TTLL10: variants seen among roughly 807,000 people sequenced by gnomAD.
TTLL10 encodes the protein inactive polyglycylase TTLL10.
Under a neutral mutation model 69.0 loss-of-function variants are expected in TTLL10, and 61 were observed. That is an observed-to-expected ratio of 0.88 (90% confidence interval 0.72 to 1.09). The LOEUF (loss-of-function observed/expected upper bound fraction) is 1.09. TTLL10 is among the 50% of genes least tolerant of loss of function. The probability of loss-of-function intolerance (pLI) is 0.00; values close to 1 mark genes in which losing one functional copy is unlikely to be tolerated. For synonymous variants in TTLL10, 408 were observed against 393.3 expected (o/e 1.04, Z -0.44); for missense variants, 962 against 945.9 (o/e 1.02, Z -0.22).
rs1021730373 is a variant in TTLL10 at position 1,197,177 on chromosome 1, G to A, written c.1603G>A (p.Glu535Lys). The A allele has an allele frequency of 2.5e-5, 39 of 1,549,868 alleles. No individual in the cohort carries two copies. The highest frequency in any genetic ancestry group is 2.1e-4 in the African/African-American group (15 of 72,850). ...GGAGGTCATCCCAGGTGTGGTCATC[G>A]AGACCCTGGGTGAGCCTCCAAGCCC... ...LKEVIPGVVI[E>K]TLDLVLETFR... is the part of the protein sequence containing the mutation. The change falls in exon 15 of 16, where the codon GAG becomes AAG. Residue 535 changes from glutamate to lysine, a missense_variant. By Grantham distance (56) the Glu-to-Lys change is moderately conservative. Coordinates refer to ENST00000379289, the MANE Select transcript of TTLL10 (RefSeq NM_001130045.2).
Position 1,196,673 on chromosome 1 carries a change from T to G in TTLL10, c.1475T>G (p.Phe492Cys). ...AAGCTGGACTGCAAGCTGGGTTACT[T>G]TGACCTCATTGGCTGTGACTTCCTG... ...KPKLDCKLGYFDLIGCDFLID... is the reference protein window; with the variant it reads ...KPKLDCKLGYCDLIGCDFLID... Residue 492 changes from phenylalanine to cysteine, a missense_variant, in exon 14 of 16, where the codon TTT becomes TGT. Phe to Cys is a radical substitution (Grantham distance 205). Transcript: ENST00000379289. 1 of 1,552,114 alleles carries G rather than the reference T, an allele frequency of 6.4e-7. No homozygotes were observed. Among genetic ancestry groups the G allele is most frequent in the Non-Finnish European group, 8.7e-7 (1 of 1,147,034 alleles).
chr1:1,176,992 G>A (rs1646888872), intron 3 of TTLL10, among the ~76,000 whole-genome samples: 1 of 152,144 alleles, frequency 6.6e-6, no homozygotes, highest in South Asian at 2.1e-4. Flanking sequence ...TCCTCTGTGT[G>A]CGTCTGTGTG....
Position 1,181,770 on chromosome 1 carries a change from T to C in TTLL10, c.785T>C (p.Leu262Pro), listed in dbSNP as rs1283898943. Reference sequence around the variant, plus strand: ...GAAAAGGACGCAGCAGCGCCCGCCCTGGAGGACCTCCCGTGGACAAGCCCA... The same window carrying C: ...GAAAAGGACGCAGCAGCGCCCGCCCCGGAGGACCTCCCGTGGACAAGCCCA... ...RLEKDAAAPA[L>P]EDLPWTSPGY... is the part of the protein sequence containing the mutation. The change falls in exon 9 of 16, where the codon CTG (leucine) becomes CCG (proline). Residue 262 changes from leucine to proline, a missense_variant. Transcript: ENST00000379289. The surrounding 1 kb of genome is among the most constrained non-coding windows in gnomAD (Gnocchi z 4.6). The C allele has an allele frequency of 2.5e-6, 4 of 1,608,454 alleles. No individual in the cohort carries two copies. In the Admixed American group the frequency reaches 5.1e-5, roughly 20 times the overall value.
At chr1:1,189,900 C>A (rs574205992) in intron 13 of TTLL10, among the ~76,000 whole-genome samples, 2 of 152,212 alleles carry the variant, frequency 1.3e-5, no homozygotes, top group Admixed American at 6.5e-5. Flanking sequence ...ATCATGAGGT[C>A]AGGAGATCGA....
chr1:1,188,802 C>T (rs778581635), intron 13 of TTLL10, among the ~76,000 whole-genome samples: 2 of 152,200 alleles, frequency 1.3e-5, no homozygotes, highest in Non-Finnish European at 2.9e-5. Flanking sequence ...TATAGGATGT[C>T]TTTCCATTTT....
At chr1:1,179,008 C>T (rs918178186) in intron 3 of TTLL10, among the ~76,000 whole-genome samples, 181 bp from the exon 4 acceptor site, 3 of 152,338 alleles carry the variant, frequency 2.0e-5, no homozygotes, top group East Asian at 1.9e-4. Context: ...CCCCACACGG[C>T]GCCAGGCCCC....
intron 15 of TTLL10, 51 bp downstream of exon 15, chr1:1,197,237 ATGCCTACC>A: frequency 6.7e-7 from 1 of 1,492,862 alleles, no homozygotes; most frequent in East Asian, 2.5e-5. Flanking sequence ...CCAGTCTTGA[ATGCCTACC>A]TGCCCTCTTC....
chr1:1,190,897 C>A (rs1247315532), intron 13 of TTLL10, among the ~76,000 whole-genome samples: 1 of 152,062 alleles, frequency 6.6e-6, no homozygotes, highest in African/African-American at 2.4e-5. Context: ...GCAATCTCAG[C>A]TCACTGCAGC....
intron 12 of TTLL10, among the ~76,000 whole-genome samples, chr1:1,184,612 G>T (rs932297804): frequency 6.6e-6 from 1 of 152,200 alleles, no homozygotes. Context: ...GGGGCCGGGG[G>T]AGCAAGGTTA....
At chr1:1,182,483 G>A in intron 10 of TTLL10, 37 bp downstream of exon 10, 2 of 1,605,000 alleles carry the variant, frequency 1.2e-6, no homozygotes, top group East Asian at 2.2e-5. Flanking sequence ...GCTGGCCCTG[G>A]GGAGACAGGG....
In TTLL10 at chr1:1,185,655, C is replaced by T. The variant is rs1006478068; in HGVS notation, c.1401+546C>T. On this transcript the variant is annotated intron_variant, in intron 13 of 15. Transcript: ENST00000379289. The surrounding 1 kb of genome is among the most constrained non-coding windows in gnomAD (Gnocchi z 6.1). ...GCGCGGTGTGAAACTGGGATAAAAA[C>T]GGGGCTTGGCCGAAGGACTTTTATC... 2.2e-5 allele frequency: 22 copies of T among 985,640 alleles called. 1 individual carries two copies. The South Asian group carries it at 6.6e-4, about 29-fold the overall frequency. 61.1% of individuals were successfully genotyped at this position (985,640 alleles called of 1,614,324 possible).
chr1:1,185,168 T>G lies in TTLL10; in HGVS notation c.1401+59T>G. ...GATCCCTCGGGGCGGGGGTGTGTGG[T>G]CAGGCTGGGCACCAGGCACACAGAT... On this transcript the variant is annotated intron_variant, in intron 13 of 15. Coordinates refer to ENST00000379289, the MANE Select transcript of TTLL10 (RefSeq NM_001130045.2). The surrounding 1 kb of genome is among the most constrained non-coding windows in gnomAD (Gnocchi z 6.1). 5 of 1,589,212 alleles carry G rather than the reference T, an allele frequency of 3.1e-6. No individual in the cohort carries two copies. The highest frequency in any genetic ancestry group is 4.3e-6 in the Non-Finnish European group (5 of 1,165,774).
chr1:1,188,487 C>G (rs1032007185), intron 13 of TTLL10, among the ~76,000 whole-genome samples: 5 of 151,452 alleles, frequency 3.3e-5, no homozygotes, highest in African/African-American at 1.2e-4. Context: ...CTCACTGCAG[C>G]CTCGCCTCCC....
chr1:1,179,749 C>A lies in TTLL10; in HGVS notation c.199+12C>A, dbSNP rs553538124. ...CCACTGCCCTGTTGGTGAGGAGGGT[C>A]GGAGGGGCGACCTCCCTGCCCCCTG... is the stretch of plus-strand genomic sequence containing the variant. On this transcript the variant is annotated intron_variant, in intron 5 of 15. Coordinates refer to ENST00000379289, the MANE Select transcript of TTLL10 (RefSeq NM_001130045.2). The A allele has an allele frequency of 9.7e-6, 15 of 1,543,430 alleles. No homozygotes were observed. The highest frequency in any genetic ancestry group is 1.2e-5 in the Non-Finnish European group (14 of 1,143,956).
chr1:1,179,046 C>T (rs367868963), intron 3 of TTLL10, 143 bp from the exon 4 acceptor site: 58 of 581,180 alleles, frequency 1.0e-4, no homozygotes, highest in African/African-American at 9.0e-4. Flanking sequence ...GGGAGCCAGC[C>T]GCACGCAGAG....
At chr1:1,179,547 CG>C in intron 4 of TTLL10, 109 bp from the exon 5 acceptor site, 1 of 1,502,368 alleles carries the variant, frequency 6.7e-7, no homozygotes. Flanking sequence ...CCCAGGGTTC[CG>C]CCTGGCTGGC....
In TTLL10 at chr1:1,181,651, C is replaced by T; in HGVS notation, c.756-90C>T. The T allele has an allele frequency of 8.1e-7, 1 of 1,241,258 alleles. No homozygotes were observed. Among genetic ancestry groups the T allele is most frequent in the East Asian group, 2.6e-5 (1 of 39,082 alleles). 76.9% of individuals were successfully genotyped at this position (1,241,258 alleles called of 1,614,324 possible). A position where few individuals can be genotyped will look rare whatever the true frequency, so the allele number is the denominator to read the frequency against. On this transcript the variant is annotated intron_variant, in intron 8 of 15. Transcript: ENST00000379289. The surrounding 1 kb of genome is among the most constrained non-coding windows in gnomAD (Gnocchi z 4.6). ...CACCACAACTCACAGTCCGCCCACT[C>T]ACCACCCATGCCCCATCCCCCAGTC... is the stretch of plus-strand genomic sequence containing the variant.
intron 13 of TTLL10, among the ~76,000 whole-genome samples, chr1:1,190,111 C>CAAA (rs941009566): frequency 1.3e-5 from 1 of 74,256 alleles, no homozygotes; most frequent in African/African-American, 5.0e-5. Flanking sequence ...GACCCCGTCT[C>CAAA]AAAAAAAAAA....
Position 1,197,624 on chromosome 1 carries a change from T to C in TTLL10, c.1799T>C (p.Met600Thr), listed in dbSNP as rs1189490666. The C allele has an allele frequency of 6.6e-7, 1 of 1,515,116 alleles. No individual in the cohort carries two copies. The highest frequency in any genetic ancestry group is 2.1e-5 in the Admixed American group (1 of 48,100). 93.9% of individuals were successfully genotyped at this position (1,515,116 alleles called of 1,614,324 possible). Reference sequence around the variant, plus strand: ...CAGGCCAAGTCCTCCGGGCCACCCATGCCGCATGCCCCAGACCAGCCGGGC... The same window carrying C: ...CAGGCCAAGTCCTCCGGGCCACCCACGCCGCATGCCCCAGACCAGCCGGGC... ...TRQAKSSGPP[M>T]PHAPDQPGAR... Residue 600 changes from methionine to threonine, a missense_variant, in exon 16 of 16, where the codon ATG (methionine) becomes ACG (threonine). Transcript: ENST00000379289.
Sources: allele counts gnomAD v4.1 joint callset (sites outside exome capture counted in the v4.1 genomes callset), GRCh38; gene constraint gnomAD v4.1.1; non-coding constraint Gnocchi (gnomAD v3.1); transcripts MANE v1.5; gene names NCBI Gene and HGNC (gene_info 2026-07-23, HGNC 2026-07-21).